The following TYW1 variants were observed in gnomAD, a reference collection of about 807,000 sequenced individuals.
TYW1 encodes tRNA-yW synthesizing protein 1 homolog.
In TYW1, 46 loss-of-function variants were observed where a neutral mutation model predicts 96.2. The ratio of observed to expected loss-of-function variants is 0.48; its 90% CI spans 0.38 to 0.61. The LOEUF is 0.61. TYW1 is among the 20% of genes least tolerant of loss of function. TYW1 has a pLI of 0.00. For synonymous variants in TYW1, 274 were observed against 323.0 expected (o/e 0.85, Z 1.63); for missense variants, 684 against 909.6 (o/e 0.75, Z 3.19).
At chr7:67,214,795 C>A (rs28624200) in intron 15 of TYW1, among the ~76,000 whole-genome samples, 1 of 130,410 alleles carries the variant, frequency 7.7e-6, no homozygotes, top group East Asian at 2.0e-4. Context: ...ATTGATATGA[C>A]AGATTACATT....
rs558285023 is a variant in TYW1, at chr7:67,044,286, A to G, written c.985-5663A>G. Reference sequence around the variant, plus strand: ...GCTAATTTTTGTATTTTCAGAAGAGATGGGTTTCATCATGTTGGCCAGGCT... The same window carrying G: ...GCTAATTTTTGTATTTTCAGAAGAGGTGGGTTTCATCATGTTGGCCAGGCT... On this transcript the variant is annotated intron_variant, in intron 7 of 15. Transcript: ENST00000359626. 2.0e-5 allele frequency among the ~76,000 whole-genome samples: 3 copies of G among 151,940 alleles called. No individual in the cohort carries two copies. In the South Asian group the frequency reaches 6.2e-4, roughly 32 times the overall value.
chr7:67,159,129 C>A (rs1265500149), intron 13 of TYW1, among the ~76,000 whole-genome samples: 1 of 152,078 alleles, frequency 6.6e-6, no homozygotes, highest in Non-Finnish European at 1.5e-5. Context: ...TGATTTTTTT[C>A]ACTTAGTAAT....
At position 67,179,233 on chromosome 7, in the gene TYW1, G is replaced by C. The variant is rs537130800; in HGVS notation, c.1699-3893G>C. Among the ~76,000 whole-genome samples, 41 of 135,670 alleles carry C rather than the reference G, an allele frequency of 3.0e-4. 4 individuals are homozygous for C. The highest frequency in any genetic ancestry group is 4.6e-4 in the Non-Finnish European group (29 of 63,264). 89.0% of individuals were successfully genotyped at this position (135,670 alleles called of 152,430 possible). A position where few individuals can be genotyped will look rare whatever the true frequency, so the allele number is the denominator to read the frequency against. On this transcript the variant is annotated intron_variant, in intron 13 of 15. Transcript: ENST00000359626. Reference sequence around the variant, plus strand: ...TTCTAGGAAAGGGGCAGTAACTTCTGGGTTGTTGCATGGCATTTGTAAACT... The same window carrying C: ...TTCTAGGAAAGGGGCAGTAACTTCTCGGTTGTTGCATGGCATTTGTAAACT...
At chr7:67,187,068 T>G (rs1243145713) in intron 14 of TYW1, among the ~76,000 whole-genome samples, 63 of 145,652 alleles carry the variant, frequency 4.3e-4, no homozygotes, top group South Asian at 4.3e-3. Flanking sequence ...TTTTTTTTTT[T>G]TTTTTTTTTT....
intron 10 of TYW1, among the ~76,000 whole-genome samples, chr7:67,081,220 CTTT>C (rs59852863): frequency 3.4e-4 from 41 of 120,146 alleles, no homozygotes; most frequent in South Asian, 1.6e-3. Flanking sequence ...GCTTGGTGGT[CTTT>C]TTTTTTTTTT....
intron 10 of TYW1, among the ~76,000 whole-genome samples, chr7:67,076,116 C>T (rs1025742810): frequency 1.3e-5 from 2 of 152,214 alleles, no homozygotes; most frequent in East Asian, 3.9e-4. Flanking sequence ...CTTCCTCCTT[C>T]CTTTGTTCTC....
At chr7:67,226,466 C>T (rs1801562810) in intron 15 of TYW1, among the ~76,000 whole-genome samples, 1 of 152,144 alleles carries the variant, frequency 6.6e-6, no homozygotes, top group African/African-American at 2.4e-5. Context: ...CTCATCTGAT[C>T]TTGTGGCCAC....
intron 6 of TYW1, among the ~76,000 whole-genome samples, chr7:67,023,597 G>A (rs1227025230): frequency 6.6e-6 from 1 of 151,924 alleles, no homozygotes; most frequent in Non-Finnish European, 1.5e-5. Context: ...GTGAAACCCT[G>A]TCTCTACTAA....
At chr7:67,009,776 A>G in intron 4 of TYW1, 92 bp downstream of exon 4, 1 of 1,136,880 alleles carries the variant, frequency 8.8e-7, no homozygotes, top group Non-Finnish European at 1.2e-6. Flanking sequence ...TAGAATCTTC[A>G]GAATAAATTT....
intron 3 of TYW1, among the ~76,000 whole-genome samples, chr7:67,003,542 A>T (rs1224989951): frequency 1.3e-5 from 2 of 151,098 alleles, no homozygotes; most frequent in Non-Finnish European, 2.9e-5. Flanking sequence ...AAAGGAAGGC[A>T]AAGATTTGTA....
intron 12 of TYW1, among the ~76,000 whole-genome samples, chr7:67,115,833 A>T (rs192239623): frequency 3.2e-4 from 49 of 152,360 alleles, no homozygotes; most frequent in Admixed American, 3.1e-3. Context: ...TTAAAAATGC[A>T]TGGACTTTGA....
chr7:67,062,859 C>G (rs541360526), intron 9 of TYW1, among the ~76,000 whole-genome samples: 1 of 152,238 alleles, frequency 6.6e-6, no homozygotes, highest in African/African-American at 2.4e-5. Flanking sequence ...CTGAAGAATT[C>G]TACCAAATAT....
intron 14 of TYW1, among the ~76,000 whole-genome samples, chr7:67,190,571 C>T (rs528681386): frequency 1.6e-4 from 25 of 152,312 alleles, no homozygotes; most frequent in Admixed American, 2.6e-4. Context: ...CAGGTGCAGA[C>T]AGGATGCTGA....
chr7:67,020,912 C>T (rs559002995), intron 6 of TYW1, among the ~76,000 whole-genome samples: 1 of 152,390 alleles, frequency 6.6e-6, no homozygotes, highest in African/African-American at 2.4e-5. Flanking sequence ...CCTGTAATCC[C>T]AGCTACTCGG....
intron 14 of TYW1, among the ~76,000 whole-genome samples, chr7:67,187,052 ATTTTTTTTTTTTTT>A (rs750086247): frequency 4.6e-4 from 46 of 100,908 alleles, no homozygotes; most frequent in Admixed American, 6.0e-4. Flanking sequence ...CCACAATTAA[ATTTTTTTTTTTTTT>A]TTTTTTTTTT....
intron 10 of TYW1, among the ~76,000 whole-genome samples, chr7:67,082,856 G>A (rs935802900): frequency 2.6e-5 from 4 of 152,170 alleles, no homozygotes; most frequent in Non-Finnish European, 5.9e-5. Context: ...ATGGAGTGAT[G>A]GTGGTGGGAC....
chr7:67,211,023 T>G (rs1461566484), intron 15 of TYW1, among the ~76,000 whole-genome samples: 1 of 151,266 alleles, frequency 6.6e-6, no homozygotes, highest in African/African-American at 2.4e-5. Context: ...GCATGAATAT[T>G]TATTTTTTAC....
chr7:67,119,376 A>T (rs1055132306), intron 13 of TYW1, among the ~76,000 whole-genome samples: 8 of 151,906 alleles, frequency 5.3e-5, no homozygotes, highest in African/African-American at 1.9e-4. Flanking sequence ...TTCCTAACCC[A>T]TCACTGTCTG....
chr7:67,083,401 T>C, intron 10 of TYW1, 29 bp from the exon 11 acceptor site: 2 of 1,607,262 alleles, frequency 1.2e-6, no homozygotes, highest in Non-Finnish European at 1.7e-6. Flanking sequence ...TACAGAAGGG[T>C]CTTTTAGAAC....
Sources: allele counts gnomAD v4.1 joint callset (sites outside exome capture counted in the v4.1 genomes callset), GRCh38; gene constraint gnomAD v4.1.1; transcripts MANE v1.5; gene names NCBI Gene and HGNC (gene_info 2026-07-23, HGNC 2026-07-21).